The following AGAP6 variants were observed in gnomAD, a reference collection of about 807,000 sequenced individuals.
AGAP6 encodes arf-GAP with GTPase, ANK repeat and PH domain-containing protein 6.
A neutral mutation model predicts 63.9 loss-of-function variants in AGAP6; 29 were observed. That is an observed-to-expected ratio of 0.45 (90% CI 0.34 to 0.62). AGAP6 has a LOEUF of 0.62. Ranked by LOEUF, AGAP6 falls within the 20% of genes least tolerant of loss-of-function variation. The pLI is 0.01. For synonymous variants in AGAP6, 199 were observed against 332.9 expected, an observed-to-expected ratio of 0.60 and a Z score of 4.38; for missense variants, 493 against 884.9, an observed-to-expected ratio of 0.56 and a Z score of 5.62.
rs183827260 is a variant in AGAP6, at chr10:49,993,606, A to G, written c.362-789A>G. ...ACTGAGGTGGGTGGATCACGAGGTT[A>G]GGAGATCAAGACCATCCTGGCTAAC... On this transcript the variant is annotated intron_variant, in intron 3 of 7. Coordinates refer to ENST00000412531, the MANE Select transcript of AGAP6 (RefSeq NM_001077665.3). 7.2e-5 allele frequency among the ~76,000 whole-genome samples: 11 copies of G among 152,258 alleles called. 1 individual carries two copies. The highest frequency in any genetic ancestry group is 6.5e-4 in the Admixed American group (10 of 15,294).
At chr10:50,008,674 C>T (rs1554864410) in intron 7 of AGAP6, 37 bp from the exon 8 acceptor site, 2 of 1,614,032 alleles carry the variant, frequency 1.2e-6, no homozygotes, top group South Asian at 1.1e-5. Flanking sequence ...AGCCACTACC[C>T]AATTTTTGAA....
At chr10:49,989,041 G>C in intron 1 of AGAP6, 103 bp downstream of exon 1, 1 of 1,596,442 alleles carries the variant, frequency 6.3e-7, no homozygotes, top group Non-Finnish European at 8.5e-7. Context: ...CTTTCTGCTT[G>C]TAGCCAGCTT....
chr10:49,995,834 A>AT (rs1841462912), intron 4 of AGAP6, among the ~76,000 whole-genome samples: 1 of 152,174 alleles, frequency 6.6e-6, no homozygotes, highest in African/African-American at 2.4e-5. Flanking sequence ...TTCTGAAGAC[A>AT]TTTTGCAGCT....
intron 5 of AGAP6, among the ~76,000 whole-genome samples, chr10:50,003,911 C>T (rs1841803617): frequency 6.6e-6 from 1 of 152,224 alleles, no homozygotes; most frequent in African/African-American, 2.4e-5. Flanking sequence ...ACTTGAAGCA[C>T]TATAGACATA....
chr10:49,990,183 A>T (rs1443373956), intron 2 of AGAP6, among the ~76,000 whole-genome samples: 4 of 152,226 alleles, frequency 2.6e-5, no homozygotes, highest in Admixed American at 2.6e-4. Flanking sequence ...TCACGCCTGT[A>T]ATCCCAGCAC....
At chr10:50,006,704 T>C (rs1554863955) in intron 6 of AGAP6, among the ~76,000 whole-genome samples, 1 of 151,868 alleles carries the variant, frequency 6.6e-6, no homozygotes, top group African/African-American at 2.4e-5. Context: ...TAAATAAAAA[T>C]GATGTTCTGT....
chr10:49,992,288 A>G (rs879955375), intron 3 of AGAP6, among the ~76,000 whole-genome samples: 1 of 151,944 alleles, frequency 6.6e-6, no homozygotes, highest in South Asian at 2.1e-4. Context: ...CATTTGATGT[A>G]ATGTAAATTT....
intron 4 of AGAP6, among the ~76,000 whole-genome samples, chr10:49,998,275 A>G (rs1300228416): frequency 1.7e-5 from 2 of 117,240 alleles, no homozygotes; most frequent in African/African-American, 6.8e-5. Context: ...GTTCTTGGTC[A>G]TGAAGTCTTT....
At chr10:50,001,511 C>T (rs1293797634) in intron 4 of AGAP6, among the ~76,000 whole-genome samples, 1 of 102,538 alleles carries the variant, frequency 9.8e-6, no homozygotes, top group African/African-American at 3.3e-5. Flanking sequence ...GCTCCGCCTC[C>T]TGGGTTCACC....
chr10:50,006,415 T>C (rs1554863911), intron 6 of AGAP6, among the ~76,000 whole-genome samples: 1 of 152,112 alleles, frequency 6.6e-6, no homozygotes, highest in Non-Finnish European at 1.5e-5. Flanking sequence ...TTGAACTGGT[T>C]TTTTAGACCG....
At chr10:49,994,948 C>G (rs1280116296) in intron 4 of AGAP6, among the ~76,000 whole-genome samples, 6 of 125,570 alleles carry the variant, frequency 4.8e-5, no homozygotes, top group Non-Finnish European at 9.5e-5. Context: ...GGCAACAGAG[C>G]GAAACTCTGT....
chr10:49,988,867 C>T lies in AGAP6; in HGVS notation c.152C>T (p.Pro51Leu). 1 of 1,599,390 alleles carries T rather than the reference C, an allele frequency of 6.3e-7. No homozygotes were observed. The highest frequency in any genetic ancestry group is 8.5e-7 in the Non-Finnish European group (1 of 1,179,580). ...GCGCCCATGGCTGCTGCTGTACAGC[C>T]TGCTGAGGTGACTGTTGAAGTTGGT... is the stretch of plus-strand genomic sequence containing the variant. ...AGAPMAAAVQPAEVTVEVGED... is the reference protein window; with the variant it reads ...AGAPMAAAVQLAEVTVEVGED... Residue 51 changes from proline to leucine, a missense_variant, in exon 1 of 8, where the codon CCT becomes CTT. By Grantham distance (98) the Pro-to-Leu change is moderately conservative. This residue lies in a region of AGAP6 where 342 missense variants were observed against 533.4 expected (regional missense o/e 0.64). Transcript: ENST00000412531.
intron 1 of AGAP6, 145 bp from the exon 2 acceptor site, chr10:49,989,163 T>G (rs1841161547): frequency 6.9e-7 from 1 of 1,445,942 alleles, no homozygotes; most frequent in Non-Finnish European, 9.2e-7. Flanking sequence ...AATCGCCCAG[T>G]TCTTGCTCTC....
rs1398819618 is a variant in AGAP6 at position 50,010,459 on chromosome 10, G to C, written c.*273G>C. ...TGTATTATGTATTTAGATAAAATGT[G>C]TGAAAACATATTTGAAATAAAGTTC... On this transcript the variant is annotated 3_prime_UTR_variant, in exon 8 of 8. Coordinates refer to ENST00000412531, the MANE Select transcript of AGAP6 (RefSeq NM_001077665.3). 2.7e-6 allele frequency: 2 copies of C among 745,156 alleles called. No homozygotes were observed. The highest frequency in any genetic ancestry group is 4.3e-6 in the Non-Finnish European group (2 of 467,634). 46.2% of individuals were successfully genotyped at this position (745,156 alleles called of 1,614,324 possible).
chr10:50,010,296 T>C lies in AGAP6; in HGVS notation c.*110T>C, dbSNP rs1554865709. The C allele has an allele frequency of 6.3e-7, 1 of 1,598,526 alleles. No homozygotes were observed. Among genetic ancestry groups the C allele is most frequent in the African/African-American group, 1.3e-5 (1 of 74,492 alleles). ...ACAAATTCAGCTAATATTAGCATTTTCAGTACTTTTCGTAAACTAAGTAAA... is the reference window on the plus strand; with the variant it reads ...ACAAATTCAGCTAATATTAGCATTTCCAGTACTTTTCGTAAACTAAGTAAA... On this transcript the variant is annotated 3_prime_UTR_variant, in exon 8 of 8. Coordinates refer to ENST00000412531, the MANE Select transcript of AGAP6 (RefSeq NM_001077665.3).
chr10:50,009,919 G>A lies in AGAP6; in HGVS notation c.1794G>A (p.Glu598=). The A allele has an allele frequency of 6.2e-7, 1 of 1,612,022 alleles. No homozygotes were observed. Among genetic ancestry groups the A allele is most frequent in the Non-Finnish European group, 8.5e-7 (1 of 1,179,866 alleles). ...AGCTGCTGCGGGCCACCGCTGATGA[G>A]GACCTGCAGACAGCCATCCTGCTGC... ...GQQLLRATAD[E]DLQTAILLLA... The change falls in exon 8 of 8, where the codon GAG becomes GAA. Residue 598 remains glutamate, a synonymous_variant. Coordinates refer to ENST00000412531, the MANE Select transcript of AGAP6 (RefSeq NM_001077665.3).
At chr10:49,993,594 G>A (rs553578417) in intron 3 of AGAP6, among the ~76,000 whole-genome samples, 1 of 152,208 alleles carries the variant, frequency 6.6e-6, no homozygotes, top group Admixed American at 6.5e-5. Flanking sequence ...GAGGTGGGTG[G>A]ATCACGAGGT....
intron 2 of AGAP6, 152 bp from the exon 3 acceptor site, chr10:49,991,524 C>G: frequency 9.1e-7 from 1 of 1,097,502 alleles, no homozygotes; most frequent in Non-Finnish European, 1.3e-6. Context: ...GCCATCTTGC[C>G]TGGCTCTATC....
intron 4 of AGAP6, among the ~76,000 whole-genome samples, chr10:49,995,634 C>T (rs1302347437): frequency 1.9e-4 from 29 of 152,128 alleles, no homozygotes; most frequent in Non-Finnish European, 1.5e-4. Flanking sequence ...TCTGGGCTAA[C>T]TCCTTAAAGT....
Sources: gnomAD v4.1 joint callset for allele counts (sites outside exome capture counted in the v4.1 genomes callset) on GRCh38, gnomAD v4.1.1 for gene constraint, gnomAD v4.1.1 regional missense constraint, MANE v1.5 for transcripts, NCBI Gene and HGNC (gene_info 2026-07-23, HGNC 2026-07-21) for gene names.